NBEA: variants seen among roughly 807,000 people sequenced by gnomAD.
NBEA encodes the protein lysosomal-trafficking regulator 2.
A neutral mutation model predicts 343.4 loss-of-function variants in NBEA; 44 were observed. The ratio of observed to expected loss-of-function variants is 0.13; its 90% CI spans 0.10 to 0.16. The LOEUF is 0.16. Among genes scored for constraint, NBEA ranks in the 10% least tolerant of loss-of-function variants. The probability of loss-of-function intolerance (pLI) is 1.00; values close to 1 mark genes in which losing one functional copy is unlikely to be tolerated. For synonymous variants in NBEA, 1,175 were observed against 1,238.7 expected (o/e 0.95, Z 1.08); for missense variants, 2,555 against 3,631.3 (o/e 0.70, Z 7.62).
chr13:35,507,902 T>C (rs1286639170), intron 41 of NBEA, among the ~76,000 whole-genome samples: 1 of 152,192 alleles, frequency 6.6e-6, no homozygotes, highest in African/African-American at 2.4e-5. Flanking sequence ...AGTAGTCATG[T>C]CATGGTGTTG....
At chr13:35,075,577 T>TTA (rs1296678833) in intron 10 of NBEA, among the ~76,000 whole-genome samples, 1 of 152,090 alleles carries the variant, frequency 6.6e-6, no homozygotes, top group African/African-American at 2.4e-5. Context: ...CATAAAGCAT[T>TTA]TATGTCAACA....
chr13:35,418,459 G>A (rs1197170169), intron 38 of NBEA, among the ~76,000 whole-genome samples: 1 of 151,950 alleles, frequency 6.6e-6, no homozygotes, highest in African/African-American at 2.4e-5. Context: ...GGAAAACAGA[G>A]TGAAGAACAT....
intron 35 of NBEA, among the ~76,000 whole-genome samples, chr13:35,296,095 G>C (rs186962991): frequency 1.0e-3 from 155 of 152,162 alleles, no homozygotes; most frequent in African/African-American, 3.5e-3. Flanking sequence ...TCATCTGTTA[G>C]AAATTATAAA....
chr13:35,125,814 A>G (rs1049118673), intron 17 of NBEA, among the ~76,000 whole-genome samples: 17 of 151,630 alleles, frequency 1.1e-4, no homozygotes, highest in African/African-American at 3.6e-4. Context: ...TAAGTTAAAA[A>G]TAAACAAATG....
intron 36 of NBEA, among the ~76,000 whole-genome samples, chr13:35,346,507 A>G (rs2039886016): frequency 6.6e-6 from 1 of 152,046 alleles, no homozygotes; most frequent in South Asian, 2.1e-4. Context: ...CTCCAACGTC[A>G]TTTACAGAGG....
At chr13:35,154,060 C>G (rs2068980816) in intron 18 of NBEA, among the ~76,000 whole-genome samples, 1 of 152,044 alleles carries the variant, frequency 6.6e-6, no homozygotes, top group African/African-American at 2.4e-5. Context: ...TTAGTTTTAA[C>G]AAGTAAGTGT....
intron 35 of NBEA, among the ~76,000 whole-genome samples, chr13:35,298,159 T>G (rs1052799514): frequency 1.3e-5 from 2 of 149,166 alleles, no homozygotes; most frequent in Non-Finnish European, 3.0e-5. Context: ...AAAATATATA[T>G]AGATACATAG....
In NBEA at chr13:35,490,861, T is replaced by G. The variant is rs949761727; in HGVS notation, c.6585+18325T>G. The stretch of plus-strand genomic sequence containing the variant: ...CTTCCAAGTTCACAAAGCTAGGAGT[T>G]AGCAGAGTTAAGATTTTCATCTATG... On this transcript the variant is annotated intron_variant, in intron 41 of 58. Transcript: ENST00000379939. 4.5e-4 allele frequency among the ~76,000 whole-genome samples: 68 copies of G among 151,914 alleles called. 1 individual carries two copies. Among genetic ancestry groups the G allele is most frequent in the Non-Finnish European group, 1.6e-4 (11 of 67,890 alleles).
chr13:35,407,437 A>G (rs1356986700), intron 38 of NBEA, among the ~76,000 whole-genome samples: 1 of 152,056 alleles, frequency 6.6e-6, no homozygotes, highest in Non-Finnish European at 1.5e-5. Flanking sequence ...TGAAGAAAGT[A>G]AAATAAAATA....
intron 17 of NBEA, among the ~76,000 whole-genome samples, chr13:35,135,152 G>A (rs555395983): frequency 6.6e-6 from 1 of 151,934 alleles, no homozygotes; most frequent in Admixed American, 6.6e-5. Context: ...CAAACCTATC[G>A]TATGCTCCCT....
intron 49 of NBEA, among the ~76,000 whole-genome samples, chr13:35,631,435 A>G (rs1012077634): frequency 6.6e-6 from 1 of 152,140 alleles, no homozygotes; most frequent in African/African-American, 2.4e-5. Flanking sequence ...TGAGCTCAAT[A>G]CATTTATTTT....
rs1180116744 is a variant in NBEA at position 35,118,395 on chromosome 13, G to T, written c.2164G>T (p.Val722Leu). Residue 722 changes from valine to leucine, a missense_variant, in exon 16 of 59, where the codon GTG (valine) becomes TTG (leucine). Physicochemically the swap from Val to Leu is conservative, Grantham distance 32. Transcript: ENST00000379939. ...TMHEDENIHD[V>L]LQLLVALMSE... ...TATGCAGGATGAAAATATTCATGATGTGCTACAGTTACTGGTGGCTTTAAT... is the reference window on the plus strand; with the variant it reads ...TATGCAGGATGAAAATATTCATGATTTGCTACAGTTACTGGTGGCTTTAAT... The T allele has an allele frequency of 6.2e-7, 1 of 1,605,558 alleles. No individual in the cohort carries two copies. Among genetic ancestry groups the T allele is most frequent in the Non-Finnish European group, 8.5e-7 (1 of 1,176,246 alleles).
chr13:35,054,788 C>T (rs1019207368), intron 6 of NBEA, among the ~76,000 whole-genome samples: 2 of 151,670 alleles, frequency 1.3e-5, no homozygotes, highest in African/African-American at 4.8e-5. Context: ...GGATTACAGG[C>T]ACATGCCACC....
rs192692115 is a variant in NBEA, at chr13:35,029,645, C to T, written c.295-11288C>T. 2.6e-5 allele frequency among the ~76,000 whole-genome samples: 4 copies of T among 151,628 alleles called. No individual in the cohort carries two copies. In the East Asian group the frequency reaches 5.8e-4, roughly 22 times the overall value. On this transcript the variant is annotated intron_variant, in intron 1 of 58. Coordinates refer to ENST00000379939, the MANE Select transcript of NBEA (RefSeq NM_001385012.1). Reference sequence around the variant, plus strand: ...TTAAATAATGAACATTGAATTATTGCGTATGATCCTAATAATCTAAGATTT... The same window carrying T: ...TTAAATAATGAACATTGAATTATTGTGTATGATCCTAATAATCTAAGATTT...
At chr13:35,133,272 G>A (rs61253659) in intron 17 of NBEA, among the ~76,000 whole-genome samples, 4,313 of 152,188 alleles carry the variant, frequency 0.028, 93 homozygotes, top group South Asian at 0.075. Context: ...AACTTCAGTA[G>A]TAATCAAGAA....
chr13:35,630,962 A>G (rs1243907546), intron 49 of NBEA, among the ~76,000 whole-genome samples: 1 of 152,116 alleles, frequency 6.6e-6, no homozygotes, highest in African/African-American at 2.4e-5. Flanking sequence ...CCCCCCTCTA[A>G]CATATTCCCA....
intron 35 of NBEA, among the ~76,000 whole-genome samples, chr13:35,296,636 C>A (rs2036151641): frequency 6.6e-6 from 1 of 152,010 alleles, no homozygotes; most frequent in Non-Finnish European, 1.5e-5. Context: ...TCACATTTCC[C>A]TTTCTCCCAG....
chr13:35,193,547 G>T (rs1281546639), intron 30 of NBEA, among the ~76,000 whole-genome samples: 1 of 151,476 alleles, frequency 6.6e-6, no homozygotes, highest in East Asian at 1.9e-4. Context: ...TCATTTATAG[G>T]GTTACTATTC....
chr13:35,267,669 C>G (rs537617001), intron 34 of NBEA, among the ~76,000 whole-genome samples: 29 of 151,158 alleles, frequency 1.9e-4, no homozygotes, highest in African/African-American at 6.8e-4. Context: ...AAAAAAAACT[C>G]AAAAAAGCAC....
Sources: allele counts gnomAD v4.1 joint callset (sites outside exome capture counted in the v4.1 genomes callset), GRCh38; gene constraint gnomAD v4.1.1; transcripts MANE v1.5; gene names NCBI Gene and HGNC (gene_info 2026-07-23, HGNC 2026-07-21).